DNAI4: variants seen among roughly 807,000 people sequenced by gnomAD.
DNAI4 encodes dynein axonemal intermediate chain 4, also known as WD repeat domain 78.
DNAI4 carries 85 observed loss-of-function variants against 105.8 expected under a neutral mutation model. The observed-to-expected ratio is 0.80, with a 90% CI of 0.67 to 0.96. The LOEUF (loss-of-function observed/expected upper bound fraction) is 0.96. Ranked by LOEUF, DNAI4 falls within the 40% of genes least tolerant of loss-of-function variation. The pLI, the probability that DNAI4 is intolerant of heterozygous loss-of-function variation, is 0.00. For synonymous variants in DNAI4, 352 were observed against 331.5 expected (o/e 1.06, Z -0.67); for missense variants, 1,014 against 1,005.6 (o/e 1.01, Z -0.11).
intron 8 of DNAI4, among the ~76,000 whole-genome samples, chr1:66,845,190 C>CAAAAAAA (rs59265844): frequency 2.0e-4 from 21 of 106,286 alleles, no homozygotes; most frequent in Admixed American, 3.0e-4. Flanking sequence ...AACTCCATCT[C>CAAAAAAA]AAAAAAAAAA....
At chr1:66,910,850 A>T (rs148209807) in intron 1 of DNAI4, among the ~76,000 whole-genome samples, 93 of 152,286 alleles carry the variant, frequency 6.1e-4, no homozygotes, top group African/African-American at 1.9e-3. Context: ...AACAGTACCC[A>T]AGTGTGGAAA....
chr1:66,817,513 C>T (rs559143012), intron 16 of DNAI4, among the ~76,000 whole-genome samples: 1 of 151,558 alleles, frequency 6.6e-6, no homozygotes, highest in East Asian at 1.9e-4. Context: ...TTTGAGGCTG[C>T]AGTGAGCCAA....
chr1:66,885,720 A>G (rs1409327353), intron 4 of DNAI4, among the ~76,000 whole-genome samples: 1 of 152,158 alleles, frequency 6.6e-6, no homozygotes, highest in Non-Finnish European at 1.5e-5. Context: ...AAAAGAAAAC[A>G]ATAAAAAATA....
intron 7 of DNAI4, among the ~76,000 whole-genome samples, chr1:66,851,353 T>C (rs1411507597): frequency 1.3e-5 from 2 of 151,648 alleles, no homozygotes; most frequent in Admixed American, 6.6e-5. Flanking sequence ...ATTATTAGAA[T>C]TGAAAAGAGA....
At chr1:66,905,515 T>C in intron 1 of DNAI4, 140 bp from the exon 2 acceptor site, 1 of 511,604 alleles carries the variant, frequency 2.0e-6, no homozygotes, top group Admixed American at 4.1e-5. Flanking sequence ...CTATTTGAAA[T>C]CTTATTATGT....
chr1:66,912,406 C>T (rs1246869553), intron 1 of DNAI4, among the ~76,000 whole-genome samples: 1 of 151,586 alleles, frequency 6.6e-6, no homozygotes, highest in Non-Finnish European at 1.5e-5. Context: ...GAGGTAGAGG[C>T]TATAGTGAGC....
chr1:66,830,276 T>C (rs377553795), intron 13 of DNAI4, among the ~76,000 whole-genome samples: 6 of 151,972 alleles, frequency 3.9e-5, no homozygotes, highest in East Asian at 3.8e-4. Flanking sequence ...AGCCATCTCT[T>C]TGAGTTCAAT....
intron 4 of DNAI4, among the ~76,000 whole-genome samples, chr1:66,878,121 T>C (rs1225451143): frequency 6.6e-6 from 1 of 152,176 alleles, no homozygotes; most frequent in Non-Finnish European, 1.5e-5. Context: ...TATATAATTA[T>C]TTGGAATTCT....
At position 66,822,485 on chromosome 1, in the gene DNAI4, G is replaced by A; in HGVS notation, c.2372C>T (p.Pro791Leu). The change falls in exon 16 of 17, where the codon CCT (proline) becomes CTT (leucine). Residue 791 changes from proline to leucine, a missense_variant. Pro to Leu is a moderately conservative substitution (Grantham distance 98). Coordinates refer to ENST00000371026, the MANE Select transcript of DNAI4 (RefSeq NM_024763.5). ...GAGAATGGTTGTGAACTTGATTCCAGGGTTAGCAGTATTCACAATCAGAGG... is the reference window on the plus strand; with the variant it reads ...GAGAATGGTTGTGAACTTGATTCCAAGGTTAGCAGTATTCACAATCAGAGG... The part of the protein sequence containing the change: ...LDPLIVNTAN[P>L]GIKFTTILFA... 1 of 1,611,140 alleles carries A rather than the reference G, an allele frequency of 6.2e-7. No individual in the cohort carries two copies. Among genetic ancestry groups the A allele is most frequent in the Non-Finnish European group, 8.5e-7 (1 of 1,178,896 alleles).
At chr1:66,846,989 A>T (rs893130007) in intron 8 of DNAI4, among the ~76,000 whole-genome samples, 4 of 152,252 alleles carry the variant, frequency 2.6e-5, no homozygotes, top group African/African-American at 9.6e-5. Flanking sequence ...AAGAACTTAG[A>T]AAGTAACAAT....
chr1:66,913,753 C>A (rs549424603), intron 1 of DNAI4, among the ~76,000 whole-genome samples: 1 of 151,934 alleles, frequency 6.6e-6, no homozygotes, highest in Non-Finnish European at 1.5e-5. Flanking sequence ...GAGGCCGAGG[C>A]GGGCGAATCA....
chr1:66,851,345 T>C (rs1017909839), intron 7 of DNAI4, among the ~76,000 whole-genome samples: 1 of 151,818 alleles, frequency 6.6e-6, no homozygotes, highest in African/African-American at 2.4e-5. Flanking sequence ...AAGTAAAAAT[T>C]ATTAGAATTG....
intron 2 of DNAI4, among the ~76,000 whole-genome samples, chr1:66,900,342 C>T (rs1298032037): frequency 2.0e-5 from 3 of 152,110 alleles, no homozygotes; most frequent in African/African-American, 7.2e-5. Flanking sequence ...CTCAGGTGAT[C>T]CACCTGCCTT....
At chr1:66,907,055 G>GA (rs1222122729) in intron 1 of DNAI4, 2 of 152,028 alleles carry the variant, frequency 1.3e-5, no homozygotes, top group Non-Finnish European at 1.5e-5. Flanking sequence ...TCCTCAACTT[G>GA]AAAATCCTTC....
In DNAI4 at chr1:66,894,977, A is replaced by ATCT. The variant is rs145051739; in HGVS notation, c.346-1567_346-1565dup. On this transcript the variant is annotated intron_variant, in intron 2 of 16. Coordinates refer to ENST00000371026, the MANE Select transcript of DNAI4 (RefSeq NM_024763.5). ...GAGATTTTGATTAAAATTGCAAAGA[A>ATCT]TCTATAAATCAAAATTTAGGATAAT... Among the ~76,000 whole-genome samples the ATCT allele has an allele frequency of 6.9e-3, 1,051 of 152,312 alleles. 12 individuals are homozygous for ATCT. The highest frequency in any genetic ancestry group is 0.024 in the African/African-American group (1,005 of 41,566).
At chr1:66,825,034 C>A (rs1483570361) in intron 15 of DNAI4, among the ~76,000 whole-genome samples, 4 of 152,108 alleles carry the variant, frequency 2.6e-5, no homozygotes, top group Non-Finnish European at 5.9e-5. Flanking sequence ...AAATAAATGT[C>A]TCTCTCAAGA....
chr1:66,821,870 A>G (rs1645633890), intron 16 of DNAI4, among the ~76,000 whole-genome samples: 1 of 152,194 alleles, frequency 6.6e-6, no homozygotes. Flanking sequence ...GCATCTATTG[A>G]CACTGAGTTG....
chr1:66,877,858 G>A (rs1021430676), intron 4 of DNAI4, among the ~76,000 whole-genome samples: 1 of 152,150 alleles, frequency 6.6e-6, no homozygotes, highest in Admixed American at 6.5e-5. Context: ...TGTTAAACAA[G>A]TGTTATGGGT....
At chr1:66,846,246 T>G (rs1646272730) in intron 8 of DNAI4, among the ~76,000 whole-genome samples, 1 of 152,152 alleles carries the variant, frequency 6.6e-6, no homozygotes, top group East Asian at 1.9e-4. Flanking sequence ...CAACCTAATA[T>G]GAGAGAAGGA....
Sources: gnomAD v4.1 joint callset for allele counts (sites outside exome capture counted in the v4.1 genomes callset) on GRCh38, gnomAD v4.1.1 for gene constraint, MANE v1.5 for transcripts, NCBI Gene and HGNC (gene_info 2026-07-23, HGNC 2026-07-21) for gene names.